R3HCC1L: variants seen among roughly 807,000 people sequenced by gnomAD.
R3HCC1L encodes the protein coiled-coil domain-containing protein R3HCC1L.
Under a neutral mutation model 59.9 loss-of-function variants are expected in R3HCC1L, and 51 were observed. That is an observed-to-expected ratio of 0.85 (90% CI 0.68 to 1.07). R3HCC1L has a LOEUF of 1.07. Ranked by LOEUF, R3HCC1L falls within the 50% of genes least tolerant of loss-of-function variation. R3HCC1L has a pLI of 0.00. For synonymous variants in R3HCC1L, 322 were observed against 315.2 expected (o/e 1.02, Z -0.23); for missense variants, 965 against 933.0 (o/e 1.03, Z -0.45).
At chr10:98,214,344 T>G (rs1040133182) in intron 5 of R3HCC1L, among the ~76,000 whole-genome samples, 11 of 152,058 alleles carry the variant, frequency 7.2e-5, no homozygotes, top group African/African-American at 2.7e-4. Flanking sequence ...GCATGTGGAG[T>G]ATGGTTAGGG....
At chr10:98,216,330 A>G (rs985818189) in intron 5 of R3HCC1L, among the ~76,000 whole-genome samples, 1 of 152,104 alleles carries the variant, frequency 6.6e-6, no homozygotes, top group East Asian at 1.9e-4. Context: ...CCTAGGCAAC[A>G]TGGCAAAACC....
Position 98,152,747 on chromosome 10 carries a change from C to T in R3HCC1L, c.-267-3346C>T, listed in dbSNP as rs1483187016. Among the ~76,000 whole-genome samples the T allele has an allele frequency of 1.4e-5, 2 of 141,488 alleles. 1 individual carries two copies. The highest frequency in any genetic ancestry group is 4.5e-4 in the East Asian group (2 of 4,430). The allele number at this position is 141,488 out of a possible 152,430, so 92.8% of individuals were successfully genotyped here. A position where few individuals can be genotyped will look rare whatever the true frequency, so the allele number is the denominator to read the frequency against. On this transcript the variant is annotated intron_variant, in intron 1 of 9. Coordinates refer to ENST00000298999, the MANE Select transcript of R3HCC1L (RefSeq NM_001351015.2). The stretch of plus-strand genomic sequence containing the variant: ...CCGTCTGAGAAGTGAGGAGCCCCTC[C>T]GCCTGGCAGCCGCCCCGTCTGAGAA...
chr10:98,173,801 A>G (rs1344456230), intron 4 of R3HCC1L, among the ~76,000 whole-genome samples: 7 of 151,824 alleles, frequency 4.6e-5, no homozygotes, highest in Admixed American at 4.6e-4. Flanking sequence ...TTGCTTGTGG[A>G]TGCATATTTA....
At position 98,154,452 on chromosome 10, in the gene R3HCC1L, C is replaced by T. The variant is rs184386726; in HGVS notation, c.-267-1641C>T. ...TGGGTACCTGCATTGTGACTGCAAC[C>T]TGTCACATGAGATCAGGTTTGGAAT... is the stretch of plus-strand genomic sequence containing the variant. On this transcript the variant is annotated intron_variant, in intron 1 of 9. Transcript: ENST00000298999. Among the ~76,000 whole-genome samples, 317 of 152,300 alleles carry T rather than the reference C, an allele frequency of 2.1e-3. 1 individual carries two copies. Among genetic ancestry groups the T allele is most frequent in the Non-Finnish European group, 3.4e-3 (231 of 68,024 alleles).
At chr10:98,200,271 A>G (rs955147256) in intron 4 of R3HCC1L, among the ~76,000 whole-genome samples, 3 of 152,084 alleles carry the variant, frequency 2.0e-5, no homozygotes, top group Non-Finnish European at 2.9e-5. Context: ...ATTTACAGCA[A>G]TAGGCTATTA....
intron 5 of R3HCC1L, among the ~76,000 whole-genome samples, chr10:98,221,639 C>G (rs1196986191): frequency 6.6e-6 from 1 of 151,652 alleles, no homozygotes; most frequent in Non-Finnish European, 1.5e-5. Flanking sequence ...ATAGGGAATC[C>G]TTTCCCCATT....
intron 5 of R3HCC1L, among the ~76,000 whole-genome samples, chr10:98,216,639 C>T (rs534065592): frequency 1.3e-5 from 2 of 152,190 alleles, no homozygotes; most frequent in South Asian, 4.2e-4. Context: ...GTGGCACGAT[C>T]TTAGCTCACT....
chr10:98,200,301 A>G (rs532960501), intron 4 of R3HCC1L, among the ~76,000 whole-genome samples: 7 of 152,246 alleles, frequency 4.6e-5, no homozygotes, highest in Admixed American at 2.0e-4. Context: ...TGATAAACAA[A>G]ACCAGGATAC....
At chr10:98,146,326 CTTTTG>C (rs1433040676) in intron 1 of R3HCC1L, among the ~76,000 whole-genome samples, 4 of 152,092 alleles carry the variant, frequency 2.6e-5, no homozygotes, top group South Asian at 4.1e-4. Flanking sequence ...ACACAGTTGT[CTTTTG>C]TTTTGTTAAA....
chr10:98,163,987 T>C lies in R3HCC1L; in HGVS notation c.-15+590T>C, dbSNP rs1259311651. ...AGTAAGTTGATATGACCTGCTGTTT[T>C]GTGAGAGGCTTTCTTACTCACATCT... On this transcript the variant is annotated intron_variant, in intron 4 of 9. Transcript: ENST00000298999. Among the ~76,000 whole-genome samples the C allele has an allele frequency of 2.0e-5, 3 of 152,212 alleles. No homozygotes were observed. In the East Asian group the frequency reaches 5.8e-4, roughly 29 times the overall value.
At chr10:98,173,957 A>G (rs550951204) in intron 4 of R3HCC1L, among the ~76,000 whole-genome samples, 8 of 152,358 alleles carry the variant, frequency 5.3e-5, no homozygotes, top group African/African-American at 1.9e-4. Context: ...GCTTTTTAAG[A>G]AATCTGATAG....
chr10:98,210,054 C>T (rs1302658661), intron 5 of R3HCC1L, among the ~76,000 whole-genome samples, 155 bp downstream of exon 5: 1 of 152,038 alleles, frequency 6.6e-6, no homozygotes, highest in East Asian at 1.9e-4. Context: ...TCTGATAGAT[C>T]TTTAAAAAAT....
chr10:98,240,420 C>A (rs538771401), intron 9 of R3HCC1L, among the ~76,000 whole-genome samples: 2 of 152,324 alleles, frequency 1.3e-5, no homozygotes, highest in African/African-American at 4.8e-5. Flanking sequence ...ATATCGTTAC[C>A]TCTCAGAATA....
chr10:98,220,046 C>A (rs1854688140), intron 5 of R3HCC1L, among the ~76,000 whole-genome samples: 1 of 152,108 alleles, frequency 6.6e-6, no homozygotes, highest in Non-Finnish European at 1.5e-5. Context: ...TCCCTCATTT[C>A]ATGTAGGCTT....
chr10:98,193,101 C>A (rs1313387675), intron 4 of R3HCC1L, among the ~76,000 whole-genome samples: 1 of 87,256 alleles, frequency 1.1e-5, no homozygotes, highest in African/African-American at 2.7e-5. Flanking sequence ...AAACACTCAA[C>A]AACCTAGGAA....
At chr10:98,225,881 C>A (rs1855616820) in intron 5 of R3HCC1L, among the ~76,000 whole-genome samples, 1 of 151,994 alleles carries the variant, frequency 6.6e-6, no homozygotes. Context: ...GGCTCGGTAA[C>A]CCAGGTTGGA....
chr10:98,223,537 CT>C (rs1382450700), intron 5 of R3HCC1L, among the ~76,000 whole-genome samples: 1 of 151,502 alleles, frequency 6.6e-6, no homozygotes, highest in Non-Finnish European at 1.5e-5. Flanking sequence ...AGGGAAAATA[CT>C]TTTTCCTATA....
At chr10:98,136,965 C>G (rs563270029) in intron 1 of R3HCC1L, among the ~76,000 whole-genome samples, 3 of 152,324 alleles carry the variant, frequency 2.0e-5, no homozygotes, top group Admixed American at 2.0e-4. Context: ...AATCCTGGCA[C>G]TTTGGGAGGC....
chr10:98,168,457 G>T (rs1848176254), intron 4 of R3HCC1L, among the ~76,000 whole-genome samples: 1 of 152,104 alleles, frequency 6.6e-6, no homozygotes, highest in Non-Finnish European at 1.5e-5. Context: ...GGCATGAATT[G>T]TGTTATGTCG....
Sources: allele counts gnomAD v4.1 joint callset (sites outside exome capture counted in the v4.1 genomes callset), GRCh38; gene constraint gnomAD v4.1.1; transcripts MANE v1.5; gene names NCBI Gene and HGNC (gene_info 2026-07-23, HGNC 2026-07-21).